The following KAZN variants were observed in gnomAD, a reference collection of about 807,000 sequenced individuals.
KAZN encodes the protein kazrin, periplakin interacting protein.
KAZN carries 40 observed loss-of-function variants against 87.4 expected under a neutral mutation model. That is an observed-to-expected ratio of 0.46 (90% CI 0.36 to 0.60). The LOEUF (loss-of-function observed/expected upper bound fraction) is 0.60, where lower values mean the gene tolerates loss of function less well. Ranked by LOEUF, KAZN falls within the 20% of genes least tolerant of loss-of-function variation. KAZN has a pLI of 0.00. For synonymous variants in KAZN, 466 were observed against 458.3 expected, an observed-to-expected ratio of 1.02 and a Z score of -0.22; for missense variants, 898 against 1,073.9, an observed-to-expected ratio of 0.84 and a Z score of 2.29.
intron 2 of KAZN, among the ~76,000 whole-genome samples, chr1:15,033,143 G>T (rs1179528917): frequency 6.6e-6 from 1 of 152,108 alleles, no homozygotes; most frequent in Non-Finnish European, 1.5e-5. Flanking sequence ...TGTGTAGGTT[G>T]TGTGCAAATA....
At chr1:14,463,526 A>G (rs1463081665) in intron 2 of KAZN, among the ~76,000 whole-genome samples, 2 of 152,192 alleles carry the variant, frequency 1.3e-5, no homozygotes, top group Non-Finnish European at 2.9e-5. Flanking sequence ...GCTGACATAC[A>G]GTAAGCACTC....
chr1:15,055,909 T>C (rs920710735), intron 4 of KAZN, among the ~76,000 whole-genome samples, 182 bp from the exon 5 acceptor site: 18 of 152,154 alleles, frequency 1.2e-4, no homozygotes, highest in African/African-American at 4.3e-4. Context: ...AGAACAACAG[T>C]TCCTCCCTCA....
chr1:15,101,872 TC>T, intron 11 of KAZN, 98 bp downstream of exon 11: 1 of 736,032 alleles, frequency 1.4e-6, no homozygotes. Context: ...TACCCGTCTA[TC>T]CATCTGTCCA....
chr1:14,693,782 C>A (rs1393136822), intron 1 of KAZN, among the ~76,000 whole-genome samples: 1 of 152,084 alleles, frequency 6.6e-6, no homozygotes, highest in East Asian at 1.9e-4. Context: ...AGGGAAGGGA[C>A]CAGATATGTA....
intron 1 of KAZN, among the ~76,000 whole-genome samples, chr1:14,831,818 C>T (rs1374819320): frequency 2.6e-5 from 4 of 152,200 alleles, no homozygotes; most frequent in South Asian, 2.1e-4. Flanking sequence ...CTTGCCTGGA[C>T]GCCTCCTCTG....
intron 2 of KAZN, among the ~76,000 whole-genome samples, chr1:14,251,714 T>A (rs1473500896): frequency 2.1e-5 from 3 of 144,086 alleles, no homozygotes; most frequent in African/African-American, 7.9e-5. Flanking sequence ...AGTGGCATGA[T>A]CATGGCTCAC....
At chr1:14,621,479 T>C (rs902724227) in intron 1 of KAZN, among the ~76,000 whole-genome samples, 2 of 152,222 alleles carry the variant, frequency 1.3e-5, no homozygotes, top group Non-Finnish European at 2.9e-5. Flanking sequence ...ACAGGTCTCC[T>C]CAGAGCCCCC....
At chr1:14,581,178 A>G (rs1292277078) in intron 2 of KAZN, among the ~76,000 whole-genome samples, 1 of 152,100 alleles carries the variant, frequency 6.6e-6, no homozygotes, top group Non-Finnish European at 1.5e-5. Flanking sequence ...TGATATTGCC[A>G]TTTGGATGTC....
At chr1:15,068,347 G>A (rs1639356361) in intron 8 of KAZN, among the ~76,000 whole-genome samples, 1 of 152,058 alleles carries the variant, frequency 6.6e-6, no homozygotes. Flanking sequence ...CCTCCCAGAA[G>A]CATCTCGCCT....
chr1:14,176,205 T>C (rs1646071335), intron 1 of KAZN, among the ~76,000 whole-genome samples: 2 of 152,106 alleles, frequency 1.3e-5, no homozygotes, highest in South Asian at 4.1e-4. Flanking sequence ...TCCCCTTCTG[T>C]TTGGGTTCTC....
chr1:14,123,883 CT>C (rs1401983395), intron 1 of KAZN, among the ~76,000 whole-genome samples: 1 of 152,196 alleles, frequency 6.6e-6, no homozygotes, highest in Non-Finnish European at 1.5e-5. Flanking sequence ...CCGCCACCCT[CT>C]TTTGGGGCCT....
intron 8 of KAZN, among the ~76,000 whole-genome samples, chr1:15,078,470 C>T (rs1164440747): frequency 5.3e-5 from 8 of 152,168 alleles, no homozygotes; most frequent in Non-Finnish European, 1.5e-5. Context: ...CTGCACGACA[C>T]TGCTTTCCAG....
chr1:15,077,066 G>A lies in KAZN; in HGVS notation c.1222+11313G>A, dbSNP rs531431249. Among the ~76,000 whole-genome samples, 1 of 152,342 alleles carries A rather than the reference G, an allele frequency of 6.6e-6. No homozygotes were observed. Among genetic ancestry groups the A allele is most frequent in the African/African-American group, 2.4e-5 (1 of 41,586 alleles). ...CTGCTCACTCCAGCGAGGCTGCTCG[G>A]AGCAATGCCAGCCTGGTGTTTCCAG... On this transcript the variant is annotated intron_variant, in intron 8 of 14. Transcript: ENST00000376030. The surrounding 1 kb of genome is among the most constrained non-coding windows in gnomAD (Gnocchi z 4.8).
intron 2 of KAZN, among the ~76,000 whole-genome samples, chr1:14,374,324 C>T (rs1405642486): frequency 2.6e-5 from 4 of 152,102 alleles, no homozygotes; most frequent in Non-Finnish European, 4.4e-5. Context: ...ATCAGGCAAC[C>T]CAAATCCTCC....
At chr1:15,090,391 G>A (rs1439566935) in intron 8 of KAZN, among the ~76,000 whole-genome samples, 1 of 152,256 alleles carries the variant, frequency 6.6e-6, no homozygotes, top group East Asian at 1.9e-4. Context: ...GAAGGATGCC[G>A]TGTTTCAGTG....
At chr1:14,805,788 A>C (rs1008186644) in intron 1 of KAZN, among the ~76,000 whole-genome samples, 5 of 149,344 alleles carry the variant, frequency 3.3e-5, no homozygotes, top group African/African-American at 9.8e-5. Context: ...AATAATAATA[A>C]TAATAATAAT....
chr1:14,563,436 A>G (rs1415087822), intron 2 of KAZN, among the ~76,000 whole-genome samples: 1 of 152,194 alleles, frequency 6.6e-6, no homozygotes, highest in East Asian at 1.9e-4. Context: ...TTTTGAGAAT[A>G]ATGGTTCACA....
At chr1:14,304,595 A>G (rs566981365) in intron 2 of KAZN, 16 of 398,370 alleles carry the variant, frequency 4.0e-5, no homozygotes, top group African/African-American at 1.6e-4. Flanking sequence ...TTCAGAAGTC[A>G]TCCATAAACA....
Position 14,378,430 on chromosome 1 carries a change from G to T in KAZN, c.249+197838G>T, listed in dbSNP as rs578055806. Among the ~76,000 whole-genome samples the T allele has an allele frequency of 2.1e-4, 32 of 152,324 alleles. No homozygotes were observed. In the South Asian group the frequency reaches 6.4e-3, roughly 31 times the overall value. ...AACCTTCATGAGAACCAAAAATCAG[G>T]TGAATACTCCCAGTTCCTGGTTTTA... On this transcript the variant is annotated intron_variant, in intron 2 of 16. Transcript: ENST00000636203.
Sources: gnomAD v4.1 joint callset for allele counts (sites outside exome capture counted in the v4.1 genomes callset) on GRCh38, gnomAD v4.1.1 for gene constraint, Gnocchi (gnomAD v3.1) non-coding constraint, MANE v1.5 for transcripts, NCBI Gene and HGNC (gene_info 2026-07-23, HGNC 2026-07-21) for gene names.